The following CHD9 variants were observed in gnomAD, a reference collection of about 807,000 sequenced individuals.
CHD9 encodes ATP-dependent chromatin remodeler CHD9.
In CHD9, 77 loss-of-function variants were observed where a neutral mutation model predicts 316.1. That is an observed-to-expected ratio of 0.24 (90% CI 0.20 to 0.29). CHD9 has a LOEUF of 0.29. Among genes scored for constraint, CHD9 ranks in the 10% least tolerant of loss-of-function variants. The pLI is 1.00. For synonymous variants in CHD9, 1,129 were observed against 1,158.3 expected (o/e 0.97, Z 0.51); for missense variants, 2,763 against 3,438.1 (o/e 0.80, Z 4.91).
chr16:53,243,111 T>G, intron 13 of CHD9, 95 bp downstream of exon 13: 1 of 832,966 alleles, frequency 1.2e-6, no homozygotes, highest in Non-Finnish European at 1.8e-6. Context: ...CTTTTTAATT[T>G]TAGAGTGTAG....
At position 53,238,551 on chromosome 16, in the gene CHD9, A is replaced by G. The variant is rs772822966; in HGVS notation, c.2842A>G (p.Ile948Val). ...YHGSLISRQM[I>V]QQYEMYFRDS... ...TGGGAGCCTGATTAGCAGACAAATG[A>G]TACAGCAATACGAGATGTACTTCAG... The change falls in exon 12 of 39, where the codon ATA (isoleucine) becomes GTA (valine). Residue 948 changes from isoleucine to valine, a missense_variant. Physicochemically the swap from Ile to Val is conservative, Grantham distance 29. Transcript: ENST00000447540. 7.4e-6 allele frequency: 12 copies of G among 1,613,308 alleles called. No homozygotes were observed. Among genetic ancestry groups the G allele is most frequent in the Admixed American group, 1.7e-5 (1 of 60,010 alleles).
intron 1 of CHD9, among the ~76,000 whole-genome samples, chr16:53,058,486 G>A (rs143405276): frequency 2.0e-5 from 3 of 152,302 alleles, no homozygotes; most frequent in Non-Finnish European, 4.4e-5. Flanking sequence ...GGCAGAAGGT[G>A]GGGTTAGAAA....
chr16:53,204,758 C>G (rs970322982), intron 2 of CHD9, among the ~76,000 whole-genome samples: 1 of 152,012 alleles, frequency 6.6e-6, no homozygotes, highest in African/African-American at 2.4e-5. Flanking sequence ...GATATCATCT[C>G]TTGTACTATA....
At chr16:53,125,218 ATTTTTTTT>A (rs34096444) in intron 1 of CHD9, among the ~76,000 whole-genome samples, 1 of 95,760 alleles carries the variant, frequency 1.0e-5, no homozygotes, top group Non-Finnish European at 2.0e-5. Flanking sequence ...TCAAGTTAGG[ATTTTTTTT>A]TTTTTTTTTT....
At chr16:53,259,164 CT>C (rs1567575716) in intron 19 of CHD9, among the ~76,000 whole-genome samples, 1 of 152,070 alleles carries the variant, frequency 6.6e-6, no homozygotes, top group African/African-American at 2.4e-5. Context: ...TGTCACAATC[CT>C]TGAGAATCAT....
At chr16:53,129,040 T>C (rs1038532334) in intron 1 of CHD9, among the ~76,000 whole-genome samples, 9 of 152,306 alleles carry the variant, frequency 5.9e-5, no homozygotes, top group African/African-American at 2.2e-4. Context: ...ACCAGCATCC[T>C]AGAGGCCATT....
chr16:53,090,213 C>A (rs1427794602), intron 1 of CHD9, among the ~76,000 whole-genome samples: 1 of 152,158 alleles, frequency 6.6e-6, no homozygotes, highest in Non-Finnish European at 1.5e-5. Flanking sequence ...GGCAGGGAGC[C>A]AACATACCAC....
intron 1 of CHD9, among the ~76,000 whole-genome samples, chr16:53,093,998 G>C (rs996337505): frequency 6.6e-6 from 1 of 152,210 alleles, no homozygotes; most frequent in African/African-American, 2.4e-5. Context: ...GCCTCTGCCC[G>C]GTGTCAGCCT....
intron 2 of CHD9, chr16:53,208,743 TG>T (rs772582976): frequency 9.3e-5 from 91 of 979,178 alleles, no homozygotes; most frequent in Middle Eastern, 5.3e-4. Flanking sequence ...TCTAAGTATA[TG>T]TGGATGAATG....
At chr16:53,233,889 A>G (rs955127809) in intron 10 of CHD9, among the ~76,000 whole-genome samples, 1 of 152,174 alleles carries the variant, frequency 6.6e-6, no homozygotes. Flanking sequence ...GCAGAAGACA[A>G]TGGGAGACCT....
At chr16:53,133,487 C>T (rs1381094829) in intron 1 of CHD9, among the ~76,000 whole-genome samples, 7 of 152,138 alleles carry the variant, frequency 4.6e-5, no homozygotes, top group Non-Finnish European at 2.9e-5. Context: ...GTAAAATCCT[C>T]TTCTTGGATA....
chr16:53,128,244 G>A (rs142314934), intron 1 of CHD9, among the ~76,000 whole-genome samples: 20 of 151,974 alleles, frequency 1.3e-4, no homozygotes, highest in South Asian at 2.1e-4. Context: ...GTGCAATGGC[G>A]CCATCTCAAC....
intron 12 of CHD9, among the ~76,000 whole-genome samples, chr16:53,240,729 T>A (rs1157372823): frequency 6.6e-6 from 1 of 152,162 alleles, no homozygotes; most frequent in Non-Finnish European, 1.5e-5. Context: ...ATGGAAGTGA[T>A]AAACTAATAA....
chr16:53,297,293 TATAA>T, intron 30 of CHD9, 135 bp downstream of exon 30: 1 of 658,306 alleles, frequency 1.5e-6, no homozygotes, highest in Non-Finnish European at 2.6e-6. Context: ...TTTTTAGAAT[TATAA>T]ATAAACTAGC....
At chr16:53,059,462 GA>G (rs897727148) in intron 1 of CHD9, among the ~76,000 whole-genome samples, 18 of 151,804 alleles carry the variant, frequency 1.2e-4, no homozygotes, top group African/African-American at 4.4e-4. Context: ...AAGAAAAATG[GA>G]AAAAAAATTT....
intron 2 of CHD9, among the ~76,000 whole-genome samples, chr16:53,201,651 G>A (rs921170067): frequency 2.3e-4 from 35 of 152,036 alleles, no homozygotes; most frequent in Non-Finnish European, 5.9e-5. Context: ...AAGTGACACA[G>A]AAGTAGAATA....
At chr16:53,267,157 A>C (rs571792115) in intron 20 of CHD9, 137 bp from the exon 21 acceptor site, 2 of 520,374 alleles carry the variant, frequency 3.8e-6, no homozygotes, top group East Asian at 3.1e-5. Flanking sequence ...AGTTGACTGA[A>C]TAGGTTGGTG....
At chr16:53,134,146 A>G (rs75866289) in intron 1 of CHD9, among the ~76,000 whole-genome samples, 5,369 of 152,300 alleles carry the variant, frequency 0.035, 135 homozygotes, top group Non-Finnish European at 0.057. Flanking sequence ...TCGGGTAATG[A>G]GTGAATAAAA....
chr16:53,168,579 C>T (rs1355069868), intron 2 of CHD9: 1 of 152,150 alleles, frequency 6.6e-6, no homozygotes, highest in Non-Finnish European at 1.5e-5. Flanking sequence ...TGGTACCTAA[C>T]TGCCTTTTAC....
Sources: allele counts gnomAD v4.1 joint callset (sites outside exome capture counted in the v4.1 genomes callset), GRCh38; gene constraint gnomAD v4.1.1; transcripts MANE v1.5; gene names NCBI Gene and HGNC (gene_info 2026-07-23, HGNC 2026-07-21).